Variants in EIF5 observed in about 807,000 individuals in gnomAD.
EIF5 encodes the protein eukaryotic translation initiation factor 5.
EIF5 carries 10 observed loss-of-function variants against 48.3 expected under a neutral mutation model. That is an observed-to-expected ratio of 0.21 (90% CI 0.13 to 0.35). The LOEUF (loss-of-function observed/expected upper bound fraction) is 0.35, where lower values mean the gene tolerates loss of function less well. Ranked by LOEUF, EIF5 falls within the 10% of genes least tolerant of loss-of-function variation. EIF5 has a pLI of 1.00. For synonymous variants in EIF5, 237 were observed against 173.1 expected (o/e 1.37, Z -2.90); for missense variants, 397 against 533.2 (o/e 0.74, Z 2.51).
chr14:103,336,512 C>G, intron 4 of EIF5, 165 bp from the exon 5 acceptor site: 1 of 691,524 alleles, frequency 1.4e-6, no homozygotes, highest in Non-Finnish European at 2.3e-6. Context: ...ACCCCGGAAA[C>G]GGAGGTTGCA....
At chr14:103,337,014 A>G in intron 5 of EIF5, 102 bp from the exon 6 acceptor site, 1 of 1,364,408 alleles carries the variant, frequency 7.3e-7, no homozygotes, top group Non-Finnish European at 9.9e-7. Context: ...TCACTGTGTG[A>G]AAAAAGTTTT....
intron 7 of EIF5, 89 bp downstream of exon 7, chr14:103,338,561 C>T (rs986896942): frequency 6.7e-7 from 1 of 1,502,866 alleles, no homozygotes; most frequent in Non-Finnish European, 8.9e-7. Context: ...TTGAAACTAG[C>T]CTTCAGTGTG....
chr14:103,338,012 CTT>C (rs749113819), intron 6 of EIF5: 1 of 565,140 alleles, frequency 1.8e-6, no homozygotes, highest in Non-Finnish European at 3.4e-6. Flanking sequence ...GAGTTAATGA[CTT>C]TGTTCATGAG....
intron 4 of EIF5, 21 bp downstream of exon 4, chr14:103,336,138 T>A: frequency 6.2e-7 from 1 of 1,611,666 alleles, no homozygotes; most frequent in South Asian, 1.1e-5. Context: ...CTTGGAAAAG[T>A]CCACAGGGCA....
intron 4 of EIF5, 95 bp downstream of exon 4, chr14:103,336,212 ATTACC>A (rs1486985181): frequency 1.6e-6 from 2 of 1,227,970 alleles, no homozygotes; most frequent in Non-Finnish European, 2.3e-6. Context: ...ATGCTAGCTA[ATTACC>A]TTACAAGTTA....
intron 6 of EIF5, 32 bp from the exon 7 acceptor site, chr14:103,338,295 G>A (rs759534584): frequency 1.2e-6 from 2 of 1,605,846 alleles, no homozygotes. Context: ...TAAGTTATGG[G>A]GTTAAATTTT....
intron 6 of EIF5, 22 bp from the exon 7 acceptor site, chr14:103,338,305 T>C: frequency 6.2e-7 from 1 of 1,607,444 alleles, no homozygotes; most frequent in South Asian, 1.1e-5. Flanking sequence ...GGTTAAATTT[T>C]TATTTCCCTT....
intron 7 of EIF5, 43 bp downstream of exon 7, chr14:103,338,515 A>G (rs1362278744): frequency 3.9e-6 from 6 of 1,542,808 alleles, no homozygotes; most frequent in East Asian, 2.4e-5. Flanking sequence ...AAAGTTGTGT[A>G]AAGTATATGG....
chr14:103,343,780 C>T lies in EIF5; in HGVS notation c.*2728C>T, dbSNP rs1208451734. The T allele has an allele frequency of 6.6e-6, 1 of 152,242 alleles. No individual in the cohort carries two copies. Among genetic ancestry groups the T allele is most frequent in the Non-Finnish European group, 1.5e-5 (1 of 68,048 alleles). The allele number at this position is 152,242 out of a possible 1,614,324, so 9.4% of individuals were successfully genotyped here. ...GTCAGTCCTCATCGTGGTCCTGAGG[C>T]ATAGGTACTGTTGTACCAAGGTCAC... On this transcript the variant is annotated 3_prime_UTR_variant, in exon 12 of 12. Transcript: ENST00000216554.
chr14:103,338,595 C>T, intron 7 of EIF5, 123 bp downstream of exon 7: 1 of 1,494,328 alleles, frequency 6.7e-7, no homozygotes, highest in East Asian at 2.4e-5. Flanking sequence ...TTGTGGATTC[C>T]AAGTACTGTT....
chr14:103,336,903 A>G, intron 5 of EIF5, 54 bp downstream of exon 5: 1 of 1,554,502 alleles, frequency 6.4e-7, no homozygotes, highest in Non-Finnish European at 8.7e-7. Flanking sequence ...CTTCTGTGAT[A>G]CCGCTAAGTC....
intron 7 of EIF5, 129 bp from the exon 8 acceptor site, chr14:103,338,606 T>A (rs938181271): frequency 1.6e-5 from 24 of 1,503,920 alleles, no homozygotes; most frequent in Non-Finnish European, 2.1e-5. Context: ...AAGTACTGTT[T>A]GTTGTTTGAA....
Position 103,344,545 on chromosome 14 carries a change from C to CTTTCCA in EIF5, c.*3495_*3500dup, listed in dbSNP as rs917025770. On this transcript the variant is annotated 3_prime_UTR_variant, in exon 12 of 12. Transcript: ENST00000216554. ...CCTTACTGTAAAACTAGGGGATTGC[C>CTTTCCA]TTTCCATATCTGCTGGGGGTGGAGA... 3.3e-5 allele frequency: 5 copies of CTTTCCA among 152,220 alleles called. No individual in the cohort carries two copies. Among genetic ancestry groups the CTTTCCA allele is most frequent in the African/African-American group, 1.2e-4 (5 of 41,430 alleles). 9.4% of individuals were successfully genotyped at this position (152,220 alleles called of 1,614,324 possible).
intron 6 of EIF5, 126 bp from the exon 7 acceptor site, chr14:103,338,201 T>C: frequency 7.7e-7 from 1 of 1,291,478 alleles, no homozygotes; most frequent in South Asian, 1.4e-5. Context: ...GGTAGCATTG[T>C]GTGTGCTGTG....
rs577914905 is a variant in EIF5 at position 103,341,353 on chromosome 14, G to A, written c.*301G>A. The A allele has an allele frequency of 3.5e-5, 8 of 226,432 alleles. No individual in the cohort carries two copies. The highest frequency in any genetic ancestry group is 1.5e-4 in the South Asian group (2 of 13,574). 14.0% of individuals were successfully genotyped at this position (226,432 alleles called of 1,614,324 possible). ...TAAAAATAAAGGTTTGATTTTGGTCGTTCTTCAGATGTTTGGCTCTGAATG... is the reference window on the plus strand; with the variant it reads ...TAAAAATAAAGGTTTGATTTTGGTCATTCTTCAGATGTTTGGCTCTGAATG... On this transcript the variant is annotated 3_prime_UTR_variant, in exon 12 of 12. Coordinates refer to ENST00000216554, the MANE Select transcript of EIF5 (RefSeq NM_001969.5).
intron 9 of EIF5, 69 bp downstream of exon 9, chr14:103,339,402 C>G: frequency 4.6e-6 from 7 of 1,530,336 alleles, no homozygotes; most frequent in Non-Finnish European, 6.1e-6. Context: ...TCATATTAAC[C>G]ACTTTTGCTT....
chr14:103,341,984 ATT>A lies in EIF5; in HGVS notation c.*937_*938del, dbSNP rs1169915993. On this transcript the variant is annotated 3_prime_UTR_variant, in exon 12 of 12. Coordinates refer to ENST00000216554, the MANE Select transcript of EIF5 (RefSeq NM_001969.5). ...AATTCCAAAATGTTAGACATACTGTATTTTTTCGTTCAGTGTGGCTTTAATTT... is the reference window on the plus strand; with the variant it reads ...AATTCCAAAATGTTAGACATACTGTATTTTCGTTCAGTGTGGCTTTAATTT... The A allele has an allele frequency of 6.6e-6, 1 of 152,432 alleles. No individual in the cohort carries two copies. Among genetic ancestry groups the A allele is most frequent in the Non-Finnish European group, 1.5e-5 (1 of 67,970 alleles). 9.4% of individuals were successfully genotyped at this position (152,432 alleles called of 1,614,324 possible). A position where few individuals can be genotyped will look rare whatever the true frequency, so the allele number is the denominator to read the frequency against.
rs755991784 is a variant in EIF5, at chr14:103,338,456, C to T, written c.569C>T (p.Pro190Leu). 17 of 1,574,504 alleles carry T rather than the reference C, an allele frequency of 1.1e-5. No homozygotes were observed. The highest frequency in any genetic ancestry group is 2.3e-5 in the South Asian group (2 of 87,604). Residue 190 changes from proline to leucine, a missense_variant, in exon 7 of 12, where the codon CCT becomes CTT. Physicochemically the swap from Pro to Leu is moderately conservative, Grantham distance 98 (BLOSUM62 -3). Coordinates refer to ENST00000216554, the MANE Select transcript of EIF5 (RefSeq NM_001969.5). ...PPPPPPNEIN[P>L]PPHTMEEEED... ...CCACCACCACCAAATGAAATTAATC[C>T]TCCTCCACATACAATGGTGAGTGCA...
rs995166203 is a variant in EIF5 at position 103,339,430 on chromosome 14, A to G, written c.906+97A>G. 5.3e-6 allele frequency: 8 copies of G among 1,495,480 alleles called. No homozygotes were observed. In the South Asian group the frequency reaches 6.7e-5, roughly 13 times the overall value. The allele number at this position is 1,495,480 out of a possible 1,614,324, so 92.6% of individuals were successfully genotyped here. ...TTTTGCTTGTCCTGTCATGCTTGAA[A>G]GTGGGGAAATTGACCCACCTTACAA... On this transcript the variant is annotated intron_variant, in intron 9 of 11. Coordinates refer to ENST00000216554, the MANE Select transcript of EIF5 (RefSeq NM_001969.5).
Sources: allele counts gnomAD v4.1 joint callset, GRCh38; gene constraint gnomAD v4.1.1; transcripts MANE v1.5; gene names NCBI Gene and HGNC (gene_info 2026-07-23, HGNC 2026-07-21).